The following DAB1 variants were observed in gnomAD, a reference collection of about 807,000 sequenced individuals.
DAB1 encodes the protein disabled homolog 1.
DAB1 carries 15 observed loss-of-function variants against 64.6 expected under a neutral mutation model. That is an observed-to-expected ratio of 0.23 (90% CI 0.16 to 0.36). The LOEUF is 0.36. Ranked by LOEUF, DAB1 falls within the 10% of genes least tolerant of loss-of-function variation. DAB1 has a pLI of 1.00. For missense variants in DAB1, 596 were observed against 706.7 expected, an observed-to-expected ratio of 0.84 and a Z score of 1.78; for synonymous variants, 235 against 251.9, an observed-to-expected ratio of 0.93 and a Z score of 0.64.
chr1:57,910,902 G>A (rs1283179694), intron 5 of DAB1, among the ~76,000 whole-genome samples: 1 of 152,154 alleles, frequency 6.6e-6, no homozygotes, highest in African/African-American at 2.4e-5. Context: ...TTCAGCTACT[G>A]TCTCATCGTC....
chr1:57,063,092 A>C (rs1325519386), intron 8 of DAB1, 149 bp from the exon 9 acceptor site: 4 of 666,558 alleles, frequency 6.0e-6, no homozygotes, highest in Non-Finnish European at 1.1e-5. Flanking sequence ...TAATTGTGAA[A>C]GTATCAAGCC....
intron 4 of DAB1, among the ~76,000 whole-genome samples, chr1:57,125,063 G>C (rs960480182): frequency 6.6e-6 from 1 of 152,034 alleles, no homozygotes; most frequent in African/African-American, 2.4e-5. Context: ...ACTCAGCACA[G>C]TCACCATAGC....
chr1:58,015,673 C>T (rs561002391), intron 5 of DAB1, among the ~76,000 whole-genome samples: 1 of 152,028 alleles, frequency 6.6e-6, no homozygotes, highest in African/African-American at 2.4e-5. Flanking sequence ...CTTGGCTGCA[C>T]CTTAAAATCA....
chr1:57,906,010 A>G (rs1405135284), intron 5 of DAB1, among the ~76,000 whole-genome samples: 1 of 152,216 alleles, frequency 6.6e-6, no homozygotes, highest in Non-Finnish European at 1.5e-5. Flanking sequence ...ACTGGGGCAC[A>G]ATACTACTTG....
chr1:57,471,921 T>A (rs1163215697), intron 7 of DAB1, among the ~76,000 whole-genome samples: 2 of 152,204 alleles, frequency 1.3e-5, no homozygotes, highest in Non-Finnish European at 1.5e-5. Flanking sequence ...ATTATATAAG[T>A]GTCACACAGT....
chr1:57,433,257 C>T (rs186430480), intron 7 of DAB1, among the ~76,000 whole-genome samples: 2 of 152,046 alleles, frequency 1.3e-5, no homozygotes, highest in Non-Finnish European at 2.9e-5. Context: ...ATAGCCAAAA[C>T]AATCCTGGGA....
intron 2 of DAB1, among the ~76,000 whole-genome samples, chr1:57,232,973 C>A (rs1667798108): frequency 6.6e-6 from 1 of 152,164 alleles, no homozygotes; most frequent in African/African-American, 2.4e-5. Context: ...CAGTCACCTT[C>A]CTTTCCCTCC....
At chr1:57,215,968 C>T (rs1379885756) in intron 2 of DAB1, among the ~76,000 whole-genome samples, 2 of 152,144 alleles carry the variant, frequency 1.3e-5, no homozygotes, top group Non-Finnish European at 2.9e-5. Flanking sequence ...GAGTAGGCCC[C>T]AACTGATTGG....
At chr1:57,507,930 C>A (rs1355063532) in intron 7 of DAB1, among the ~76,000 whole-genome samples, 1 of 152,090 alleles carries the variant, frequency 6.6e-6, no homozygotes, top group African/African-American at 2.4e-5. Context: ...ATACAGTGAG[C>A]GTTAGAATCA....
At chr1:58,265,741 T>A (rs1661144217) in intron 4 of DAB1, among the ~76,000 whole-genome samples, 1 of 152,200 alleles carries the variant, frequency 6.6e-6, no homozygotes, top group African/African-American at 2.4e-5. Context: ...AAGGATAGGA[T>A]CAGAATTTTT....
At chr1:57,433,192 G>GA (rs766396975) in intron 7 of DAB1, among the ~76,000 whole-genome samples, 58 of 152,130 alleles carry the variant, frequency 3.8e-4, no homozygotes, top group Admixed American at 5.9e-4. Flanking sequence ...CACACTTTTT[G>GA]AAAAAACTGA....
chr1:58,123,947 T>C (rs776132055), intron 5 of DAB1, among the ~76,000 whole-genome samples: 1 of 152,058 alleles, frequency 6.6e-6, no homozygotes, highest in Non-Finnish European at 1.5e-5. Flanking sequence ...TGCAAGACAG[T>C]CAGTGTCTTA....
chr1:57,387,691 G>A (rs528445540), intron 1 of DAB1, among the ~76,000 whole-genome samples: 6 of 152,012 alleles, frequency 3.9e-5, no homozygotes, highest in African/African-American at 9.6e-5. Flanking sequence ...GCATGGTGGC[G>A]CACACCTGTA....
At chr1:57,113,747 C>T (rs928643436) in intron 4 of DAB1, among the ~76,000 whole-genome samples, 1 of 152,156 alleles carries the variant, frequency 6.6e-6, no homozygotes, top group Non-Finnish European at 1.5e-5. Flanking sequence ...GTTTTGTCAA[C>T]TCTGGCTCTA....
chr1:58,197,460 T>C (rs1244653883), intron 4 of DAB1, among the ~76,000 whole-genome samples: 1 of 151,020 alleles, frequency 6.6e-6, no homozygotes, highest in Non-Finnish European at 1.5e-5. Flanking sequence ...AGTCCAGTGG[T>C]GCCATCTCAG....
chr1:58,461,985 G>A (rs1645246748), intron 3 of DAB1, among the ~76,000 whole-genome samples: 1 of 152,174 alleles, frequency 6.6e-6, no homozygotes, highest in African/African-American at 2.4e-5. Flanking sequence ...GCTACAGTCT[G>A]GGTGCTATTC....
At chr1:57,911,979 A>T (rs1236556175) in intron 5 of DAB1, among the ~76,000 whole-genome samples, 1 of 152,218 alleles carries the variant, frequency 6.6e-6, no homozygotes, top group Non-Finnish European at 1.5e-5. Context: ...GTGAAATACC[A>T]AATGTGGTTT....
At chr1:57,474,879 G>A (rs563803092) in intron 7 of DAB1, among the ~76,000 whole-genome samples, 2 of 152,288 alleles carry the variant, frequency 1.3e-5, no homozygotes, top group South Asian at 4.1e-4. Flanking sequence ...ACCTGGAAAT[G>A]TTGGGGTAGT....
intron 7 of DAB1, among the ~76,000 whole-genome samples, chr1:57,636,769 C>A (rs1485777400): frequency 6.6e-5 from 10 of 152,236 alleles, no homozygotes; most frequent in Non-Finnish European, 1.3e-4. Flanking sequence ...ATAGCTGGGG[C>A]AGATAATCGA....
Sources: allele counts gnomAD v4.1 joint callset (sites outside exome capture counted in the v4.1 genomes callset), GRCh38; gene constraint gnomAD v4.1.1; transcripts MANE v1.5; gene names NCBI Gene and HGNC (gene_info 2026-07-23, HGNC 2026-07-21).